CIMIP2A: variants seen among roughly 807,000 people sequenced by gnomAD.
CIMIP2A encodes the protein family with sequence similarity 166 member A.
At chr9:137,252,276 T>C in the CIMIP2A span, 3 of 1,351,842 alleles carry the variant, frequency 2.2e-6, no homozygotes, top group African/African-American at 2.9e-5. Flanking sequence ...TCAGCACCTG[T>C]AAGGAGGCCT....
At chr9:137,243,607 C>T in the CIMIP2A span, 2 of 1,613,400 alleles carry the variant, frequency 1.2e-6, no homozygotes, top group Non-Finnish European at 1.7e-6. Context: ...TCTTTATTCA[C>T]TCCCAGCCTG....
chr9:137,252,504 T>C, the CIMIP2A span: 3,120 of 1,600,270 alleles, frequency 1.9e-3, 23 homozygotes, highest in African/African-American at 0.013. Flanking sequence ...CGCAGAAAGC[T>C]GACTTCGACC....
the CIMIP2A span, among the ~76,000 whole-genome samples, chr9:137,246,698 G>C: frequency 6.6e-6 from 1 of 152,306 alleles, no homozygotes; most frequent in East Asian, 1.9e-4. Context: ...AGGAGGCGGA[G>C]CTTGCAGTGA....
the CIMIP2A span, among the ~76,000 whole-genome samples, chr9:137,249,507 G>C: frequency 2.6e-5 from 4 of 152,198 alleles, no homozygotes; most frequent in Admixed American, 2.0e-4. Flanking sequence ...GTGATGCTTG[G>C]GGGGTGCGGG....
chr9:137,253,327 G>T, the CIMIP2A span: 2 of 1,550,604 alleles, frequency 1.3e-6, no homozygotes, highest in South Asian at 2.4e-5. Flanking sequence ...CCTCCCCTGG[G>T]ACTTGGGGCC....
the CIMIP2A span, among the ~76,000 whole-genome samples, chr9:137,253,662 G>C: frequency 1.3e-5 from 2 of 152,222 alleles, no homozygotes; most frequent in Admixed American, 6.5e-5. Context: ...GGAGCGAGAT[G>C]GGAGGTGGGC....
At chr9:137,247,769 T>G in the CIMIP2A span, 5 of 1,539,708 alleles carry the variant, frequency 3.2e-6, no homozygotes, top group Non-Finnish European at 4.5e-6. Context: ...TCCAGCTCCC[T>G]TCCCTGAGGG....
chr9:137,244,369 C>A, the CIMIP2A span: 1 of 1,598,526 alleles, frequency 6.3e-7, no homozygotes, highest in Non-Finnish European at 8.5e-7. Context: ...GGGGCCTGGC[C>A]GGAGGGCCGG....
chr9:137,246,272 G>A, the CIMIP2A span, among the ~76,000 whole-genome samples: 7 of 152,346 alleles, frequency 4.6e-5, no homozygotes, highest in South Asian at 2.1e-4. Flanking sequence ...AGGGTGTTGC[G>A]TGGGCTTGGC....
At chr9:137,243,772 G>A in the CIMIP2A span, 128 of 1,613,960 alleles carry the variant, frequency 7.9e-5, no homozygotes, top group Non-Finnish European at 9.6e-5. Flanking sequence ...ATGTCAGGGC[G>A]TAGTTGTCCT....
the CIMIP2A span, chr9:137,255,119 G>C: frequency 1.2e-5 from 2 of 161,594 alleles, no homozygotes; most frequent in African/African-American, 4.8e-5. Flanking sequence ...CGGACCCTGA[G>C]TCCGCCCCCC....
chr9:137,251,252 G>A, the CIMIP2A span: 14 of 1,374,036 alleles, frequency 1.0e-5, no homozygotes, highest in East Asian at 2.3e-5. Flanking sequence ...ACAGAGCTCC[G>A]TGGTGCCGTT....
the CIMIP2A span, chr9:137,244,265 A>G: frequency 4.3e-5 from 69 of 1,613,676 alleles, no homozygotes; most frequent in Non-Finnish European, 5.5e-5. Flanking sequence ...CGCCCAGGTC[A>G]CAGTGGGGGT....
the CIMIP2A span, chr9:137,253,154 G>A: frequency 1.2e-6 from 2 of 1,600,402 alleles, no homozygotes; most frequent in South Asian, 1.1e-5. Flanking sequence ...GTGGAGGACT[G>A]CAACTCACGC....
At chr9:137,249,412 C>T in the CIMIP2A span, among the ~76,000 whole-genome samples, 3 of 152,196 alleles carry the variant, frequency 2.0e-5, no homozygotes, top group South Asian at 2.1e-4. Flanking sequence ...TTCTGGTAGA[C>T]GCTGGTTTTC....
the CIMIP2A span, chr9:137,251,320 C>A: frequency 6.2e-7 from 1 of 1,613,722 alleles, no homozygotes; most frequent in Non-Finnish European, 8.5e-7. Context: ...AGTGAAATTC[C>A]TGGCAAATTT....
At chr9:137,252,252 G>A in the CIMIP2A span, 11 of 1,426,608 alleles carry the variant, frequency 7.7e-6, no homozygotes, top group African/African-American at 2.8e-5. Flanking sequence ...CCTTCCCTGC[G>A]TTCACCTCTA....
chr9:137,253,318 C>G, the CIMIP2A span: 1 of 1,554,186 alleles, frequency 6.4e-7, no homozygotes, highest in Non-Finnish European at 8.7e-7. Context: ...TTTCCCAGGC[C>G]TCCCCTGGGA....
the CIMIP2A span, chr9:137,244,864 G>C: frequency 1.0e-5 from 16 of 1,565,586 alleles, no homozygotes; most frequent in Non-Finnish European, 1.3e-5. Context: ...GTTGGCGACT[G>C]TCTGATGTGG....
Sources: gnomAD v4.1 joint callset for allele counts (sites outside exome capture counted in the v4.1 genomes callset) on GRCh38, gnomAD v4.1.1 for gene constraint, MANE v1.5 for transcripts, NCBI Gene and HGNC (gene_info 2026-07-23, HGNC 2026-07-21) for gene names.